The following EYS variants were observed in gnomAD, a reference collection of about 807,000 sequenced individuals.
The protein encoded by EYS is protein eyes shut homolog.
In EYS, 250 loss-of-function variants were observed where a neutral mutation model predicts 282.1. That is an observed-to-expected ratio of 0.89 (90% CI 0.80 to 0.98). The LOEUF is 0.98. Among genes scored for constraint, EYS ranks in the 50% least tolerant of loss-of-function variants. EYS has a pLI of 0.00. For missense variants in EYS, 4,016 were observed against 3,709.0 expected, an observed-to-expected ratio of 1.08 and a Z score of -2.15; for synonymous variants, 1,355 against 1,282.9, an observed-to-expected ratio of 1.06 and a Z score of -1.20.
intron 26 of EYS, among the ~76,000 whole-genome samples, chr6:64,460,813 C>G (rs1775721778): frequency 6.6e-6 from 1 of 152,196 alleles, no homozygotes; most frequent in Admixed American, 6.5e-5. Context: ...TAGCAATTAG[C>G]TTTTAATCAA....
intron 11 of EYS, among the ~76,000 whole-genome samples, chr6:65,313,044 C>T (rs1393692): frequency 3.9e-5 from 6 of 152,122 alleles, no homozygotes; most frequent in Admixed American, 6.5e-5. Context: ...ACCAGCAACA[C>T]GGACACAAAG....
chr6:64,506,493 C>G (rs1333646225), intron 26 of EYS, among the ~76,000 whole-genome samples: 1 of 152,182 alleles, frequency 6.6e-6, no homozygotes, highest in Non-Finnish European at 1.5e-5. Context: ...TTGAAATTCA[C>G]TTTAGTTTTA....
chr6:64,198,677 T>C (rs1389342053), intron 31 of EYS, among the ~76,000 whole-genome samples: 4 of 152,234 alleles, frequency 2.6e-5, no homozygotes, highest in Non-Finnish European at 5.9e-5. Flanking sequence ...GTTGGCTTCA[T>C]AGTATTCCAT....
chr6:64,474,613 T>C (rs1776209904), intron 26 of EYS, among the ~76,000 whole-genome samples: 1 of 152,206 alleles, frequency 6.6e-6, no homozygotes, highest in African/African-American at 2.4e-5. Flanking sequence ...CATGGTGAAT[T>C]ACTAGTTCAT....
intron 29 of EYS, among the ~76,000 whole-genome samples, chr6:64,386,668 G>C (rs1045419834): frequency 2.0e-5 from 3 of 152,070 alleles, no homozygotes; most frequent in Non-Finnish European, 4.4e-5. Flanking sequence ...TCCCCATTTT[G>C]AGAATGGGAC....
intron 12 of EYS, among the ~76,000 whole-genome samples, chr6:65,212,605 C>T (rs2150253069): frequency 6.6e-6 from 1 of 152,076 alleles, no homozygotes; most frequent in Admixed American, 6.5e-5. Context: ...GCTTAATAGC[C>T]AGAGTTGCCA....
chr6:64,359,091 A>G (rs1007158117), intron 29 of EYS, among the ~76,000 whole-genome samples: 2 of 151,716 alleles, frequency 1.3e-5, no homozygotes, highest in African/African-American at 4.8e-5. Context: ...ATGTCAAAAA[A>G]TATTAAGAAG....
At chr6:64,576,124 A>T (rs1421970409) in intron 26 of EYS, among the ~76,000 whole-genome samples, 2 of 152,272 alleles carry the variant, frequency 1.3e-5, no homozygotes, top group Non-Finnish European at 2.9e-5. Flanking sequence ...TGGAAAATGC[A>T]TAAGGACTTT....
intron 1 of EYS, among the ~76,000 whole-genome samples, chr6:65,675,722 G>A (rs1175078529): frequency 6.6e-6 from 1 of 151,842 alleles, no homozygotes; most frequent in Non-Finnish European, 1.5e-5. Context: ...GAATAAGAGA[G>A]CTTGAACAAC....
intron 31 of EYS, among the ~76,000 whole-genome samples, chr6:64,198,572 T>A (rs1032638703): frequency 4.0e-4 from 60 of 151,750 alleles, no homozygotes; most frequent in African/African-American, 1.4e-3. Context: ...TGAGAACATG[T>A]GGTGTTTGGT....
chr6:64,603,593 C>T (rs553439883), intron 24 of EYS, among the ~76,000 whole-genome samples: 1 of 152,078 alleles, frequency 6.6e-6, no homozygotes, highest in South Asian at 2.1e-4. Flanking sequence ...CATACAAACC[C>T]TGTGATCTAC....
intron 30 of EYS, among the ~76,000 whole-genome samples, chr6:64,246,018 C>CAAAAAAAAAAAAAAAAAAAAAAAAAAAAA (rs60121734): frequency 1.8e-5 from 1 of 56,200 alleles, no homozygotes; most frequent in Non-Finnish European, 2.8e-5. Flanking sequence ...AACTCCGTCT[C>CAAAAAAAAAAAAAAAAAAAAAAAAAAAAA]AAAAAAAAAA....
intron 8 of EYS, among the ~76,000 whole-genome samples, chr6:65,378,365 C>T (rs1765465418): frequency 6.6e-6 from 1 of 152,008 alleles, no homozygotes; most frequent in Admixed American, 6.6e-5. Context: ...TAATGACGAT[C>T]ATTAAATGTC....
chr6:64,701,151 C>T (rs144748862), intron 22 of EYS, among the ~76,000 whole-genome samples: 1 of 152,078 alleles, frequency 6.6e-6, no homozygotes, highest in East Asian at 1.9e-4. Context: ...ATGGTGCTGG[C>T]CGAACTGGAT....
chr6:64,740,766 T>C (rs1321759844), intron 22 of EYS, among the ~76,000 whole-genome samples: 3 of 149,514 alleles, frequency 2.0e-5, no homozygotes, highest in African/African-American at 4.9e-5. Flanking sequence ...CAGGCTGGAG[T>C]GCAGTGGCAT....
intron 22 of EYS, among the ~76,000 whole-genome samples, chr6:64,752,549 GAGA>G (rs1466050931): frequency 1.3e-5 from 2 of 152,114 alleles, no homozygotes; most frequent in African/African-American, 2.4e-5. Flanking sequence ...ATTGCTGAGG[GAGA>G]AGAAGAGTAA....
chr6:65,086,657 A>G (rs1024583796), intron 12 of EYS, among the ~76,000 whole-genome samples: 1 of 152,206 alleles, frequency 6.6e-6, no homozygotes, highest in East Asian at 1.9e-4. Flanking sequence ...AAAACGAGTC[A>G]GTGGAATTAG....
intron 31 of EYS, among the ~76,000 whole-genome samples, chr6:64,180,641 G>A (rs1202320169): frequency 2.6e-5 from 4 of 151,988 alleles, no homozygotes; most frequent in Non-Finnish European, 5.9e-5. Flanking sequence ...TGTTTACCCA[G>A]TGTTTAGCTC....
At chr6:65,274,610 T>C (rs760218810) in intron 12 of EYS, among the ~76,000 whole-genome samples, 12 of 152,196 alleles carry the variant, frequency 7.9e-5, no homozygotes, top group Non-Finnish European at 1.6e-4. Flanking sequence ...ATAAAAATTC[T>C]TCAGGCCATT....
Sources: allele counts gnomAD v4.1 joint callset (sites outside exome capture counted in the v4.1 genomes callset), GRCh38; gene constraint gnomAD v4.1.1; transcripts MANE v1.5; gene names NCBI Gene and HGNC (gene_info 2026-07-23, HGNC 2026-07-21).